Variants in ZPBP observed in about 807,000 individuals in gnomAD.
The protein encoded by ZPBP is zona pellucida-binding protein 1.
Under a neutral mutation model 44.8 loss-of-function variants are expected in ZPBP, and 26 were observed. That is an observed-to-expected ratio of 0.58 (90% CI 0.43 to 0.81). The LOEUF is 0.81. Among genes scored for constraint, ZPBP ranks in the 30% least tolerant of loss-of-function variants. ZPBP has a pLI of 0.00. For missense variants in ZPBP, 409 were observed against 434.0 expected (o/e 0.94, Z 0.51); for synonymous variants, 174 against 153.2 (o/e 1.14, Z -1.00).
chr7:49,937,385 C>T (rs1794657139), downstream of ZPBP: 1 of 656,730 alleles, frequency 1.5e-6, no homozygotes, highest in African/African-American at 1.8e-5. Flanking sequence ...CCTCATAAAA[C>T]ATTTGGACAT....
At chr7:49,961,501 C>T (rs1306588458) in intron 7 of ZPBP, among the ~76,000 whole-genome samples, 1 of 152,054 alleles carries the variant, frequency 6.6e-6, no homozygotes, top group Non-Finnish European at 1.5e-5. Context: ...AAATACAGGG[C>T]AGGGGACTTT....
intron 7 of ZPBP, chr7:49,940,890 T>C (rs1415068269): frequency 1.9e-5 from 11 of 593,784 alleles, no homozygotes; most frequent in African/African-American, 8.1e-5. Flanking sequence ...AAGGGGAACA[T>C]AGGTGGGGCA....
intron 7 of ZPBP, among the ~76,000 whole-genome samples, chr7:49,947,091 A>G (rs1324523293): frequency 1.3e-5 from 2 of 152,098 alleles, no homozygotes; most frequent in African/African-American, 4.8e-5. Flanking sequence ...AGGATTCTGA[A>G]TTCCTTCTCT....
chr7:49,945,078 T>C (rs964909554), intron 7 of ZPBP, among the ~76,000 whole-genome samples: 2 of 152,208 alleles, frequency 1.3e-5, no homozygotes, highest in Non-Finnish European at 2.9e-5. Context: ...ATTTTAAAAT[T>C]TCCTTCTTAA....
chr7:49,988,184 G>A (rs1353130484), intron 6 of ZPBP, among the ~76,000 whole-genome samples: 3 of 152,016 alleles, frequency 2.0e-5, no homozygotes, highest in Admixed American at 6.6e-5. Context: ...GTTATACAAG[G>A]TTTTTGCTTT....
rs535030964 is a variant in ZPBP, at chr7:50,033,989, G to A, written c.488-2679C>T. ...ATTACAGGTGTAAGCCACTGTGCCC[G>A]GCCTTGCTACAGTTTATATAACTAA... is the stretch of plus-strand genomic sequence containing the variant. On this transcript the variant is annotated intron_variant, in intron 4 of 7. Transcript: ENST00000046087. 7.2e-5 allele frequency among the ~76,000 whole-genome samples: 11 copies of A among 152,122 alleles called. No individual in the cohort carries two copies. The South Asian group carries it at 1.0e-3, about 14-fold the overall frequency.
chr7:49,978,947 G>A (rs191704823), intron 7 of ZPBP, among the ~76,000 whole-genome samples: 1 of 151,810 alleles, frequency 6.6e-6, no homozygotes, highest in East Asian at 1.9e-4. Context: ...ATAGCTTACA[G>A]GAATGATAAC....
At chr7:49,858,239 T>C (rs1032385855) in intron 2 of ZPBP, among the ~76,000 whole-genome samples, 1 of 152,192 alleles carries the variant, frequency 6.6e-6, no homozygotes, top group Admixed American at 6.5e-5. Flanking sequence ...CATGCTGCTA[T>C]AATGACACAT....
intron 3 of ZPBP, among the ~76,000 whole-genome samples, chr7:50,068,305 T>C (rs1801638915): frequency 6.6e-6 from 1 of 152,238 alleles, no homozygotes; most frequent in Admixed American, 6.5e-5. Flanking sequence ...TTGGCTTATA[T>C]GAAAGCCCAA....
chr7:49,930,802 T>A (rs985223049), intron 1 of ZPBP, among the ~76,000 whole-genome samples: 1 of 152,226 alleles, frequency 6.6e-6, no homozygotes, highest in African/African-American at 2.4e-5. Context: ...CAACATATAA[T>A]AGTGAAAACT....
intron 1 of ZPBP, chr7:49,917,690 T>C (rs1190421686): frequency 6.6e-6 from 1 of 152,178 alleles, no homozygotes; most frequent in Non-Finnish European, 1.5e-5. Context: ...TTTTATTTGG[T>C]ATCTAATTAT....
chr7:49,981,479 AAT>A (rs1437467631), intron 7 of ZPBP, among the ~76,000 whole-genome samples: 3 of 78,494 alleles, frequency 3.8e-5, no homozygotes, highest in Non-Finnish European at 6.6e-5. Flanking sequence ...AATTATATAT[AAT>A]ATATATTATA....
At chr7:49,964,210 T>C (rs1021282184) in intron 7 of ZPBP, among the ~76,000 whole-genome samples, 1 of 151,948 alleles carries the variant, frequency 6.6e-6, no homozygotes, top group African/African-American at 2.4e-5. Context: ...AAACATTGAA[T>C]GATTTCTTTC....
chr7:49,892,551 G>T (rs1303954221), intron 2 of ZPBP, among the ~76,000 whole-genome samples: 2 of 152,178 alleles, frequency 1.3e-5, no homozygotes, highest in African/African-American at 4.8e-5. Flanking sequence ...AGGCACATGA[G>T]GGGGCTTCCC....
intron 2 of ZPBP, among the ~76,000 whole-genome samples, chr7:49,899,343 T>C (rs754006302): frequency 1.3e-5 from 2 of 151,984 alleles, no homozygotes; most frequent in Non-Finnish European, 2.9e-5. Context: ...AAAATTAAAG[T>C]TTAGGAGTTT....
At chr7:50,066,340 T>C (rs138040200) in intron 3 of ZPBP, among the ~76,000 whole-genome samples, 5,611 of 150,212 alleles carry the variant, frequency 0.037, 567 homozygotes, top group African/African-American at 0.13. Flanking sequence ...AACATACATA[T>C]AGCTGATTAT....
chr7:49,919,370 A>C (rs908763282), intron 1 of ZPBP: 4 of 152,188 alleles, frequency 2.6e-5, no homozygotes, highest in African/African-American at 9.6e-5. Flanking sequence ...TTTGCATTAA[A>C]GTCATAAACT....
chr7:50,053,903 T>C (rs1032968317), intron 4 of ZPBP, among the ~76,000 whole-genome samples: 2 of 152,212 alleles, frequency 1.3e-5, no homozygotes, highest in Non-Finnish European at 1.5e-5. Context: ...TCTTTTTTGC[T>C]GTCTAAGGCA....
chr7:50,062,582 C>T (rs1374893138), intron 3 of ZPBP, among the ~76,000 whole-genome samples: 1 of 152,124 alleles, frequency 6.6e-6, no homozygotes, highest in East Asian at 1.9e-4. Flanking sequence ...AGAAATAAGT[C>T]CCTATTCAAT....
Sources: gnomAD v4.1 joint callset for allele counts (sites outside exome capture counted in the v4.1 genomes callset) on GRCh38, gnomAD v4.1.1 for gene constraint, MANE v1.5 for transcripts, NCBI Gene and HGNC (gene_info 2026-07-23, HGNC 2026-07-21) for gene names.